Variants in CSGALNACT1 observed in about 807,000 individuals in gnomAD.
CSGALNACT1 encodes the protein beta4GalNAcT-1.
In CSGALNACT1, 52 loss-of-function variants were observed where a neutral mutation model predicts 51.0. The observed-to-expected ratio is 1.02, with a 90% CI of 0.82 to 1.29. The LOEUF is 1.29. CSGALNACT1 is among the 50% of genes most tolerant of loss of function. The pLI, the probability that CSGALNACT1 is intolerant of heterozygous loss-of-function variation, is 0.00. For synonymous variants in CSGALNACT1, 341 were observed against 254.4 expected (o/e 1.34, Z -3.24); for missense variants, 935 against 679.2 (o/e 1.38, Z -4.19).
intron 1 of CSGALNACT1, among the ~76,000 whole-genome samples, chr8:19,672,576 T>C (rs938919308): frequency 1.3e-5 from 2 of 152,232 alleles, no homozygotes; most frequent in Non-Finnish European, 2.9e-5. Context: ...ATATAAATGC[T>C]TAATAGCAGA....
At chr8:19,484,882 T>A (rs2072466171) in intron 4 of CSGALNACT1, among the ~76,000 whole-genome samples, 1 of 152,106 alleles carries the variant, frequency 6.6e-6, no homozygotes, top group Non-Finnish European at 1.5e-5. Context: ...ACCAGAGACG[T>A]GCACTCACAA....
intron 3 of CSGALNACT1, among the ~76,000 whole-genome samples, chr8:19,509,314 A>G (rs1283098993): frequency 6.6e-6 from 1 of 152,062 alleles, no homozygotes; most frequent in East Asian, 1.9e-4. Context: ...GTAGCACAAA[A>G]CATCATTCTT....
chr8:19,411,195 A>T (rs1470149698), intron 8 of CSGALNACT1, among the ~76,000 whole-genome samples: 1 of 151,880 alleles, frequency 6.6e-6, no homozygotes, highest in Non-Finnish European at 1.5e-5. Flanking sequence ...GGTCGTCCTG[A>T]CCCTCCTGGC....
chr8:19,530,887 C>T (rs2082641242), intron 3 of CSGALNACT1, among the ~76,000 whole-genome samples: 1 of 152,206 alleles, frequency 6.6e-6, no homozygotes, highest in Non-Finnish European at 1.5e-5. Context: ...TATTTCCCTG[C>T]AATCTGGAGT....
intron 4 of CSGALNACT1, among the ~76,000 whole-genome samples, chr8:19,494,638 C>A (rs774999200): frequency 8.3e-4 from 127 of 152,226 alleles, no homozygotes; most frequent in Middle Eastern, 3.4e-3. Flanking sequence ...TCATTCTGTC[C>A]CATTACACAT....
At chr8:19,472,876 T>C (rs1164908189) in intron 4 of CSGALNACT1, among the ~76,000 whole-genome samples, 2 of 152,230 alleles carry the variant, frequency 1.3e-5, no homozygotes, top group Non-Finnish European at 2.9e-5. Context: ...TACTTCTTCA[T>C]AGGGTTACTT....
chr8:19,594,831 C>T (rs939701430), intron 2 of CSGALNACT1, among the ~76,000 whole-genome samples: 7 of 152,116 alleles, frequency 4.6e-5, no homozygotes, highest in Non-Finnish European at 1.0e-4. Flanking sequence ...GGATTATAGG[C>T]ATGAGCCACC....
At chr8:19,551,338 C>T (rs1049649776) in intron 3 of CSGALNACT1, among the ~76,000 whole-genome samples, 1 of 152,130 alleles carries the variant, frequency 6.6e-6, no homozygotes, top group African/African-American at 2.4e-5. Context: ...TCTGAGCAAG[C>T]AGCCCATGAA....
intron 1 of CSGALNACT1, among the ~76,000 whole-genome samples, chr8:19,715,507 A>T (rs1398521505): frequency 6.6e-6 from 1 of 151,972 alleles, no homozygotes; most frequent in Non-Finnish European, 1.5e-5. Flanking sequence ...TATGTACCAC[A>T]TTTTCTTTAT....
At chr8:19,740,234 T>C (rs2064227588) in intron 1 of CSGALNACT1, among the ~76,000 whole-genome samples, 2 of 152,184 alleles carry the variant, frequency 1.3e-5, no homozygotes, top group Admixed American at 1.3e-4. Context: ...TCCAACACGC[T>C]TGGCAGCGGG....
At chr8:19,431,981 T>G (rs1486866336) in intron 6 of CSGALNACT1, among the ~76,000 whole-genome samples, 1 of 152,054 alleles carries the variant, frequency 6.6e-6, no homozygotes, top group African/African-American at 2.4e-5. Context: ...AAGCTGTCTT[T>G]TAAATCAGCA....
intron 1 of CSGALNACT1, among the ~76,000 whole-genome samples, chr8:19,702,148 A>G (rs2061915342): frequency 6.6e-6 from 1 of 151,840 alleles, no homozygotes; most frequent in Non-Finnish European, 1.5e-5. Context: ...CATCCATCAC[A>G]CCACCATTGC....
chr8:19,532,785 C>T (rs750678859), intron 3 of CSGALNACT1, among the ~76,000 whole-genome samples: 11 of 152,216 alleles, frequency 7.2e-5, no homozygotes, highest in East Asian at 3.9e-4. Context: ...GTACAGAGAG[C>T]GAGGAGTCAC....
intron 3 of CSGALNACT1, among the ~76,000 whole-genome samples, chr8:19,540,028 C>G (rs756912760): frequency 2.0e-4 from 30 of 152,110 alleles, no homozygotes; most frequent in Non-Finnish European, 4.0e-4. Flanking sequence ...CCCAAAGACA[C>G]AGAGAGAGTA....
intron 1 of CSGALNACT1, among the ~76,000 whole-genome samples, chr8:19,614,102 A>T (rs2052667721): frequency 6.6e-6 from 1 of 152,186 alleles, no homozygotes; most frequent in Non-Finnish European, 1.5e-5. Context: ...TAGTTCTTTG[A>T]AATCTGTCAC....
intron 1 of CSGALNACT1, among the ~76,000 whole-genome samples, chr8:19,710,939 A>AAGTACTGC (rs1297276858): frequency 6.6e-6 from 1 of 151,950 alleles, no homozygotes; most frequent in Non-Finnish European, 1.5e-5. Flanking sequence ...TTTTCCTCAA[A>AAGTACTGC]AGTACTGCCT....
chr8:19,679,749 A>G (rs754145688), intron 1 of CSGALNACT1, among the ~76,000 whole-genome samples: 7 of 152,310 alleles, frequency 4.6e-5, no homozygotes, highest in Admixed American at 6.5e-5. Flanking sequence ...TCCTTGGGTT[A>G]TGAAAACGCC....
chr8:19,505,885 C>A (rs780431931), exon 4 of CSGALNACT1: 1 of 1,600,068 alleles, frequency 6.2e-7, no homozygotes, highest in Non-Finnish European at 8.5e-7. Flanking sequence ...AAAGCCGGGG[C>A]CCCCACGGAA....
intron 1 of CSGALNACT1, among the ~76,000 whole-genome samples, chr8:19,700,060 T>C (rs1246226122): frequency 6.9e-6 from 1 of 145,662 alleles, no homozygotes; most frequent in Non-Finnish European, 1.5e-5. Context: ...TGCAGTGAGC[T>C]GAGATCACAC....
Sources: gnomAD v4.1 joint callset for allele counts (sites outside exome capture counted in the v4.1 genomes callset) on GRCh38, gnomAD v4.1.1 for gene constraint, MANE v1.5 for transcripts, NCBI Gene and HGNC (gene_info 2026-07-23, HGNC 2026-07-21) for gene names.